Variants in MTFR1 observed in about 807,000 individuals in gnomAD.
The protein encoded by MTFR1 is chondrocyte protein with a poly-proline region.
A neutral mutation model predicts 38.8 loss-of-function variants in MTFR1; 28 were observed. That is an observed-to-expected ratio of 0.72 (90% CI 0.53 to 0.99). The LOEUF is 0.99. MTFR1 is among the 50% of genes least tolerant of loss of function. The probability of loss-of-function intolerance (pLI) is 0.00; values close to 1 mark genes in which losing one functional copy is unlikely to be tolerated. For missense variants in MTFR1, 358 were observed against 395.5 expected, an observed-to-expected ratio of 0.91 and a Z score of 0.81; for synonymous variants, 145 against 137.0, an observed-to-expected ratio of 1.06 and a Z score of -0.41.
chr8:65,768,407 A>G (rs1383471732), intron 3 of MTFR1, among the ~76,000 whole-genome samples: 2 of 152,110 alleles, frequency 1.3e-5, no homozygotes. Flanking sequence ...CATGATAGTG[A>G]ATAAGTCTCA....
chr8:65,718,895 A>G (rs1249997091), intron 2 of MTFR1: 2 of 181,098 alleles, frequency 1.1e-5, no homozygotes, highest in African/African-American at 4.7e-5. Flanking sequence ...ACTTAGTGGA[A>G]GGTACAAGAT....
chr8:65,772,370 T>C (rs535531676), downstream of MTFR1, among the ~76,000 whole-genome samples: 21 of 152,344 alleles, frequency 1.4e-4, 1 homozygote, highest in South Asian at 4.4e-3. Flanking sequence ...CACATTATAG[T>C]CTTTCAAAGC....
intron 3 of MTFR1, chr8:65,719,796 A>G: frequency 2.8e-6 from 1 of 360,642 alleles, no homozygotes; most frequent in East Asian, 5.8e-5. Context: ...GCAAAAATAC[A>G]CTGCCCATCT....
chr8:65,652,129 C>A (rs922588121), intron 1 of MTFR1, among the ~76,000 whole-genome samples: 1 of 151,822 alleles, frequency 6.6e-6, no homozygotes, highest in Non-Finnish European at 1.5e-5. Flanking sequence ...AGACGAAGTC[C>A]CACTCTGTCG....
At chr8:65,706,963 T>G (rs752571846) in intron 5 of MTFR1, 47 bp from the exon 6 acceptor site, 2 of 1,518,990 alleles carry the variant, frequency 1.3e-6, no homozygotes, top group Non-Finnish European at 1.8e-6. Flanking sequence ...GATATTTTCT[T>G]TGCTTAATAC....
chr8:65,721,382 G>T (rs936074277), intron 3 of MTFR1, among the ~76,000 whole-genome samples: 2 of 152,180 alleles, frequency 1.3e-5, no homozygotes, highest in Non-Finnish European at 2.9e-5. Flanking sequence ...TGCTTGGTGA[G>T]TTGTTAAGAG....
At chr8:65,735,449 C>G (rs746431358) in intron 3 of MTFR1, among the ~76,000 whole-genome samples, 1 of 152,018 alleles carries the variant, frequency 6.6e-6, no homozygotes, top group Admixed American at 6.6e-5. Flanking sequence ...GTTGGAACCA[C>G]AGGTGCATGC....
intron 3 of MTFR1, among the ~76,000 whole-genome samples, chr8:65,748,251 T>G (rs1807778310): frequency 6.6e-6 from 1 of 152,142 alleles, no homozygotes; most frequent in African/African-American, 2.4e-5. Context: ...ATTACACAAG[T>G]AAAACATTTC....
intron 3 of MTFR1, among the ~76,000 whole-genome samples, chr8:65,685,837 T>C (rs1754717474): frequency 6.6e-6 from 1 of 152,186 alleles, no homozygotes; most frequent in Non-Finnish European, 1.5e-5. Flanking sequence ...GATCAGGAGT[T>C]CTCAGGGAAG....
At chr8:65,767,995 G>A (rs544185638) in intron 3 of MTFR1, among the ~76,000 whole-genome samples, 1 of 152,200 alleles carries the variant, frequency 6.6e-6, no homozygotes, top group South Asian at 2.1e-4. Flanking sequence ...TTTAGGAACT[G>A]AGCCCTTAAC....
rs553260839 is a variant in MTFR1, at chr8:65,703,419, G to GTTTTTTTTTTT, written c.282-1253_282-1243dup. 7.1e-4 allele frequency among the ~76,000 whole-genome samples: 36 copies of GTTTTTTTTTTT among 50,954 alleles called. 6 individuals carry two copies. Among genetic ancestry groups the GTTTTTTTTTTT allele is most frequent in the African/African-American group, 1.1e-3 (13 of 12,362 alleles). 33.4% of individuals were successfully genotyped at this position (50,954 alleles called of 152,430 possible). On this transcript the variant is annotated intron_variant, in intron 4 of 7. Transcript: ENST00000262146. ...GGTACATCCATGCTTGATGTCTCTG[G>GTTTTTTTTTTT]TTTTTTTTTTTTTTTTTTTTTTTTT...
At chr8:65,655,049 T>G (rs548305675) in intron 1 of MTFR1, among the ~76,000 whole-genome samples, 5 of 152,220 alleles carry the variant, frequency 3.3e-5, no homozygotes, top group Non-Finnish European at 5.9e-5. Context: ...CCAGGATCAC[T>G]TAAGATATTT....
At chr8:65,743,895 C>T (rs1055848849) in intron 3 of MTFR1, among the ~76,000 whole-genome samples, 9 of 151,582 alleles carry the variant, frequency 5.9e-5, no homozygotes, top group East Asian at 1.9e-4. Flanking sequence ...TGCAATGGCG[C>T]GATCTCAGCT....
At chr8:65,729,364 CTTTTTTTTTTT>C (rs10540107) in intron 3 of MTFR1, among the ~76,000 whole-genome samples, 2 of 80,076 alleles carry the variant, frequency 2.5e-5, no homozygotes, top group African/African-American at 5.2e-5. Context: ...TTGGTGGTAG[CTTTTTTTTTTT>C]TTTTTTTTTT....
intron 4 of MTFR1, among the ~76,000 whole-genome samples, chr8:65,694,964 C>T (rs781289021): frequency 7.2e-5 from 11 of 151,956 alleles, no homozygotes; most frequent in African/African-American, 1.5e-4. Flanking sequence ...GAGATGAGGA[C>T]GAGAAGTAGG....
intron 1 of MTFR1, among the ~76,000 whole-genome samples, chr8:65,661,956 T>C (rs1254251558): frequency 1.3e-5 from 2 of 150,434 alleles, no homozygotes; most frequent in Non-Finnish European, 3.0e-5. Context: ...AGAGCAAGAG[T>C]CCGTCTCAAA....
rs768717370 is a variant in MTFR1 at position 65,707,855 on chromosome 8, T to A, written c.777T>A (p.Asp259Glu). Residue 259 changes from aspartate (D) to glutamate (E), a missense_variant, in exon 7 of 8, where the codon GAT becomes GAA. Transcript: ENST00000262146. Reference protein sequence around the residue: ...KLRSVKRSEQDVKPKPVDATD... With the variant: ...KLRSVKRSEQEVKPKPVDATD... ...TCACTTCTCTAAGGTCAGAGCAAGA[T>A]GTGAAGCCCAAGCCAGTGGATGCTA... The A allele has an allele frequency of 1.2e-6, 2 of 1,613,908 alleles. No homozygotes were observed. The highest frequency in any genetic ancestry group is 2.7e-5 in the African/African-American group (2 of 74,878).
At chr8:65,716,303 T>G (rs1806143799) in intron 2 of MTFR1, among the ~76,000 whole-genome samples, 1 of 152,124 alleles carries the variant, frequency 6.6e-6, no homozygotes, top group Non-Finnish European at 1.5e-5. Context: ...CTTTTCAGTT[T>G]CAAACTATAA....
At chr8:65,715,996 CAAAAAAA>C (rs779701295) in intron 2 of MTFR1, among the ~76,000 whole-genome samples, 13 of 33,868 alleles carry the variant, frequency 3.8e-4, no homozygotes, top group Non-Finnish European at 6.2e-4. Context: ...GGCTCTGTCT[CAAAAAAA>C]AAAAAAAAAA....
Sources: allele counts gnomAD v4.1 joint callset (sites outside exome capture counted in the v4.1 genomes callset), GRCh38; gene constraint gnomAD v4.1.1; transcripts MANE v1.5; gene names NCBI Gene and HGNC (gene_info 2026-07-23, HGNC 2026-07-21).